EFCAB6: variants seen among roughly 807,000 people sequenced by gnomAD.
EFCAB6 encodes the protein EF-hand calcium-binding domain-containing protein 6.
In EFCAB6, 156 loss-of-function variants were observed where a neutral mutation model predicts 169.8. The ratio of observed to expected loss-of-function variants is 0.92; its 90% CI spans 0.81 to 1.05. The LOEUF is 1.05. EFCAB6 is among the 50% of genes least tolerant of loss of function. EFCAB6 has a pLI of 0.00. For missense variants in EFCAB6, 1,800 were observed against 1,829.1 expected, an observed-to-expected ratio of 0.98 and a Z score of 0.29; for synonymous variants, 698 against 676.4, an observed-to-expected ratio of 1.03 and a Z score of -0.50.
chr22:43,772,826 T>C, intron 4 of EFCAB6, 66 bp downstream of exon 4: 1 of 1,558,302 alleles, frequency 6.4e-7, no homozygotes, highest in Non-Finnish European at 8.8e-7. Context: ...AGAGGTTACC[T>C]GCTCCCCTGA....
At chr22:43,750,941 G>A (rs1479292993) in intron 6 of EFCAB6, among the ~76,000 whole-genome samples, 2 of 152,114 alleles carry the variant, frequency 1.3e-5, no homozygotes, top group Non-Finnish European at 2.9e-5. Context: ...AGGCACCAGG[G>A]TAATCCCATA....
intron 26 of EFCAB6, among the ~76,000 whole-genome samples, chr22:43,563,434 A>G (rs1383183451): frequency 6.6e-6 from 1 of 152,064 alleles, no homozygotes; most frequent in Non-Finnish European, 1.5e-5. Context: ...TGGGCAAGGC[A>G]TGCACCTGTG....
intron 3 of EFCAB6, among the ~76,000 whole-genome samples, chr22:43,777,637 CAGTGTCAGAGGG>C (rs1281683322): frequency 6.6e-6 from 1 of 152,224 alleles, no homozygotes; most frequent in Non-Finnish European, 1.5e-5. Context: ...CTCCTGCCCC[CAGTGTCAGAGGG>C]AGATCCCTCT....
At position 43,758,266 on chromosome 22, in the gene EFCAB6, AG is replaced by A. The variant is rs150553886; in HGVS notation, c.441-2435del. Among the ~76,000 whole-genome samples the A allele has an allele frequency of 5.3e-3, 803 of 152,248 alleles. 5 individuals are homozygous for A. Among genetic ancestry groups the A allele is most frequent in the African/African-American group, 0.018 (763 of 41,548 alleles). ...TTTAATGTAGTCATGTTATATACAG[AG>A]GGGGGTAGGTCTATAAATTTGTGTT... On this transcript the variant is annotated intron_variant, in intron 5 of 31. Coordinates refer to ENST00000262726, the MANE Select transcript of EFCAB6 (RefSeq NM_022785.4).
At chr22:43,720,477 G>A (rs532952982) in intron 8 of EFCAB6, among the ~76,000 whole-genome samples, 9 of 151,978 alleles carry the variant, frequency 5.9e-5, no homozygotes, top group East Asian at 1.9e-4. Context: ...ATGCCATTGC[G>A]CTCCAGCCTG....
At chr22:43,650,600 G>A (rs1213414283) in intron 17 of EFCAB6, among the ~76,000 whole-genome samples, 1 of 152,236 alleles carries the variant, frequency 6.6e-6, no homozygotes, top group Non-Finnish European at 1.5e-5. Flanking sequence ...AAATGTGGAA[G>A]TGACTTTGGA....
intron 30 of EFCAB6, among the ~76,000 whole-genome samples, chr22:43,531,642 A>G (rs1489559885): frequency 1.3e-5 from 2 of 152,196 alleles, no homozygotes; most frequent in African/African-American, 4.8e-5. Flanking sequence ...AACACTATGT[A>G]AGACAGATGA....
In EFCAB6 at chr22:43,774,924, C is replaced by T. The variant is rs564447035; in HGVS notation, c.140-1821G>A. Among the ~76,000 whole-genome samples the T allele has an allele frequency of 1.7e-3, 252 of 152,030 alleles. 5 individuals are homozygous for T. The highest frequency in any genetic ancestry group is 3.2e-3 in the Non-Finnish European group (215 of 67,996). ...GACTGTCATCAAAAGAACAACATAA[C>T]CCTATTTTCATTCTTCACCTTCCCC... is the stretch of plus-strand genomic sequence containing the variant. On this transcript the variant is annotated intron_variant, in intron 3 of 31. Coordinates refer to ENST00000262726, the MANE Select transcript of EFCAB6 (RefSeq NM_022785.4).
chr22:43,649,943 A>T (rs1183408949), intron 17 of EFCAB6, among the ~76,000 whole-genome samples: 1 of 152,238 alleles, frequency 6.6e-6, no homozygotes, highest in Non-Finnish European at 1.5e-5. Context: ...ACAAAAGGAG[A>T]GACCCAAATG....
At chr22:43,692,582 T>C (rs940031980) in intron 10 of EFCAB6, among the ~76,000 whole-genome samples, 3 of 152,050 alleles carry the variant, frequency 2.0e-5, no homozygotes, top group Admixed American at 6.6e-5. Flanking sequence ...AAGAAAAATA[T>C]ACTATTTGAA....
chr22:43,534,564 G>A (rs2047274921), intron 30 of EFCAB6, 124 bp downstream of exon 30: 2 of 879,388 alleles, frequency 2.3e-6, no homozygotes, highest in African/African-American at 1.7e-5. Context: ...GTTTGAGGCT[G>A]CAGTGAACCG....
At chr22:43,728,380 A>G (rs2059813641) in intron 8 of EFCAB6, among the ~76,000 whole-genome samples, 1 of 152,176 alleles carries the variant, frequency 6.6e-6, no homozygotes, top group Admixed American at 6.5e-5. Context: ...ATACATGTGC[A>G]TGTGTCTTTA....
Position 43,720,405 on chromosome 22 carries a change from G to A in EFCAB6, c.758-3433C>T, listed in dbSNP as rs541884730. On this transcript the variant is annotated intron_variant, in intron 8 of 31. Transcript: ENST00000262726. ...CATGTACCTGTGGTCCAAGCTACTC[G>A]GGAGGCTGAGGCAGGAGAACTGCTT... 8.5e-4 allele frequency among the ~76,000 whole-genome samples: 129 copies of A among 151,916 alleles called. No individual in the cohort carries two copies. In the Middle Eastern group the frequency reaches 0.014, roughly 16 times the overall value.
At chr22:43,583,683 G>T (rs1165797605) in intron 24 of EFCAB6, among the ~76,000 whole-genome samples, 1 of 152,076 alleles carries the variant, frequency 6.6e-6, no homozygotes, top group Non-Finnish European at 1.5e-5. Context: ...CCTTCATAAA[G>T]GAGGCCCCAG....
At chr22:43,757,370 A>C (rs2060993575) in intron 5 of EFCAB6, among the ~76,000 whole-genome samples, 1 of 152,096 alleles carries the variant, frequency 6.6e-6, no homozygotes, top group Admixed American at 6.5e-5. Flanking sequence ...CAACATGGAG[A>C]AACCCCATCT....
chr22:43,727,185 G>A (rs2059768350), intron 8 of EFCAB6, among the ~76,000 whole-genome samples: 1 of 152,240 alleles, frequency 6.6e-6, no homozygotes, highest in Admixed American at 6.5e-5. Context: ...AATTGGGGAG[G>A]CTGAGTGAGG....
chr22:43,672,019 T>C lies in EFCAB6; in HGVS notation c.1594A>G (p.Ile532Val), dbSNP rs933014101. The C allele has an allele frequency of 1.9e-6, 3 of 1,614,176 alleles. No individual in the cohort carries two copies. Among genetic ancestry groups the C allele is most frequent in the South Asian group, 1.1e-5 (1 of 91,068 alleles). The change falls in exon 15 of 32, where the codon ATC (isoleucine) becomes GTC (valine). Residue 532 changes from isoleucine to valine, a missense_variant. Physicochemically the swap from Ile to Val is conservative, Grantham distance 29. Transcript: ENST00000262726. Reference sequence around the variant, plus strand: ...AAAAATGGACAGAAGACGTGCATGATTTTCTTGAAATTATTTCGGCCAATG... The same window carrying C: ...AAAAATGGACAGAAGACGTGCATGACTTTCTTGAAATTATTTCGGCCAATG... ...GRIGRNNFKK[I>V]MHVFCPFLTN...
At chr22:43,559,877 G>A (rs1164696284) in intron 26 of EFCAB6, among the ~76,000 whole-genome samples, 1 of 152,094 alleles carries the variant, frequency 6.6e-6, no homozygotes, top group East Asian at 1.9e-4. Context: ...TGGGGGGCAA[G>A]GGGAGGGAAA....
At chr22:43,770,696 T>C (rs79734795) in intron 4 of EFCAB6, among the ~76,000 whole-genome samples, 5,016 of 152,116 alleles carry the variant, frequency 0.033, 169 homozygotes, top group African/African-American at 0.085. Flanking sequence ...ATCTGAATGA[T>C]AGAATAAAAC....
Sources: allele counts gnomAD v4.1 joint callset (sites outside exome capture counted in the v4.1 genomes callset), GRCh38; gene constraint gnomAD v4.1.1; transcripts MANE v1.5; gene names NCBI Gene and HGNC (gene_info 2026-07-23, HGNC 2026-07-21).